The following RIMS2 variants were observed in gnomAD, a reference collection of about 807,000 sequenced individuals.
RIMS2 encodes the protein regulating synaptic membrane exocytosis 2.
In RIMS2, 59 loss-of-function variants were observed where a neutral mutation model predicts 174.4. The observed-to-expected ratio is 0.34, with a 90% CI of 0.27 to 0.42. The LOEUF (loss-of-function observed/expected upper bound fraction) is 0.42. RIMS2 is among the 10% of genes least tolerant of loss of function. The pLI, the probability that RIMS2 is intolerant of heterozygous loss-of-function variation, is 1.00. For missense variants in RIMS2, 1,620 were observed against 1,666.3 expected (o/e 0.97, Z 0.48); for synonymous variants, 606 against 572.5 (o/e 1.06, Z -0.84).
At chr8:103,938,900 C>T (rs1312651424) in intron 13 of RIMS2, among the ~76,000 whole-genome samples, 1 of 152,216 alleles carries the variant, frequency 6.6e-6, no homozygotes, top group East Asian at 1.9e-4. Flanking sequence ...GACTCCATGT[C>T]TCACATCCAG....
intron 2 of RIMS2, among the ~76,000 whole-genome samples, chr8:103,733,851 T>C (rs375639806): frequency 1.3e-5 from 2 of 152,224 alleles, no homozygotes; most frequent in East Asian, 1.9e-4. Context: ...GTTCCTGTTT[T>C]CTTAATATGT....
At chr8:104,044,797 G>A (rs771419045) in intron 19 of RIMS2, among the ~76,000 whole-genome samples, 3 of 151,666 alleles carry the variant, frequency 2.0e-5, no homozygotes, top group Non-Finnish European at 4.4e-5. Flanking sequence ...CATGGTCTAT[G>A]TTAACCAGCA....
In RIMS2 at chr8:103,985,473, CAAAAAAAAAAAAAAAAA is replaced by C. The variant is rs58750334; in HGVS notation, c.2928-3818_2928-3802del. ...TGGGCAACAAAGCAAGACTCTGTCT[CAAAAAAAAAAAAAAAAA>C]AAAAAAAAAAAAAGAGTATAATTGG... On this transcript the variant is annotated intron_variant, in intron 16 of 23. Transcript: ENST00000504942. 2.2e-4 allele frequency among the ~76,000 whole-genome samples: 8 copies of C among 36,152 alleles called. 1 individual carries two copies. The highest frequency in any genetic ancestry group is 9.2e-4 in the African/African-American group (6 of 6,528). 23.7% of individuals were successfully genotyped at this position (36,152 alleles called of 152,430 possible).
chr8:103,720,412 G>A (rs751077804), intron 2 of RIMS2, among the ~76,000 whole-genome samples: 13 of 152,154 alleles, frequency 8.5e-5, no homozygotes, highest in Non-Finnish European at 1.5e-4. Flanking sequence ...GGCAATGGCT[G>A]TGTGGAACTT....
At chr8:103,598,014 G>A (rs1222801078) in intron 1 of RIMS2, among the ~76,000 whole-genome samples, 3 of 152,168 alleles carry the variant, frequency 2.0e-5, no homozygotes, top group Non-Finnish European at 2.9e-5. Flanking sequence ...TGTGGGTCAA[G>A]TTCAAAAAAA....
rs375437944 is a variant in RIMS2 at position 103,918,416 on chromosome 8, TTC to T, written c.2037-23_2037-22del. 3,735 of 1,296,946 alleles carry T rather than the reference TTC, an allele frequency of 2.9e-3. 59 individuals are homozygous for T. The African/African-American group carries it at 0.06, about 21-fold the overall frequency. The allele number at this position is 1,296,946 out of a possible 1,614,324, so 80.3% of individuals were successfully genotyped here. ...TTAATTGTTGAAACAGTTTCTGTCTTTCTTTTTTTTTTTAATCATTTCAGAGA... is the reference window on the plus strand; with the variant it reads ...TTAATTGTTGAAACAGTTTCTGTCTTTTTTTTTTTTTAATCATTTCAGAGA... On this transcript the variant is annotated intron_variant, in intron 8 of 23. Coordinates refer to ENST00000504942, the Ensembl canonical transcript of RIMS2.
At chr8:104,060,095 A>C (rs1291455150) in intron 19 of RIMS2, among the ~76,000 whole-genome samples, 1 of 151,816 alleles carries the variant, frequency 6.6e-6, no homozygotes. Context: ...AAAATGAGTT[A>C]GGGAGGATTC....
intron 3 of RIMS2, among the ~76,000 whole-genome samples, chr8:103,856,235 G>C (rs1203881343): frequency 6.6e-6 from 1 of 151,992 alleles, no homozygotes; most frequent in Admixed American, 6.6e-5. Context: ...TTTCCATTTG[G>C]GTGGTAAATC....
chr8:103,910,165 G>A (rs759567859), exon 5 of RIMS2: 31 of 1,612,024 alleles, frequency 1.9e-5, no homozygotes, highest in East Asian at 6.7e-5. Flanking sequence ...TGGATCATAC[G>A]TCTTGGCATA....
At chr8:103,925,116 T>C (rs1164879335) in intron 10 of RIMS2, among the ~76,000 whole-genome samples, 1 of 151,608 alleles carries the variant, frequency 6.6e-6, no homozygotes, top group South Asian at 2.1e-4. Flanking sequence ...TAGGGCGTTA[T>C]AAGAAAATAT....
intron 4 of RIMS2, among the ~76,000 whole-genome samples, chr8:103,898,986 C>G (rs1461720707): frequency 3.3e-5 from 5 of 151,132 alleles, no homozygotes; most frequent in Admixed American, 3.3e-4. Context: ...GTTTTTTATC[C>G]TTGTGATAGT....
intron 20 of RIMS2, among the ~76,000 whole-genome samples, chr8:104,248,043 G>A (rs984849629): frequency 1.3e-5 from 2 of 152,166 alleles, no homozygotes; most frequent in African/African-American, 4.8e-5. Context: ...GAAAGCAGTG[G>A]GAGACAGTGC....
At chr8:103,751,994 C>G (rs1481538677) in intron 2 of RIMS2, among the ~76,000 whole-genome samples, 6 of 152,098 alleles carry the variant, frequency 3.9e-5, no homozygotes, top group East Asian at 1.9e-4. Flanking sequence ...GTTGCCATTG[C>G]TTTTGGTGTT....
At chr8:103,793,774 C>T (rs1270373051) in intron 3 of RIMS2, among the ~76,000 whole-genome samples, 1 of 152,118 alleles carries the variant, frequency 6.6e-6, no homozygotes, top group Non-Finnish European at 1.5e-5. Flanking sequence ...CACAAGCATT[C>T]CTATACACCA....
At chr8:103,770,011 T>G (rs1433187362) in intron 3 of RIMS2, among the ~76,000 whole-genome samples, 1 of 152,200 alleles carries the variant, frequency 6.6e-6, no homozygotes, top group Non-Finnish European at 1.5e-5. Flanking sequence ...GGGAAACACT[T>G]TAAAGAGTAT....
At chr8:103,953,147 G>A (rs559384226) in intron 14 of RIMS2, among the ~76,000 whole-genome samples, 49 of 152,296 alleles carry the variant, frequency 3.2e-4, no homozygotes, top group African/African-American at 1.1e-3. Flanking sequence ...TGAAAGTGAC[G>A]GGAGAACAGA....
intron 1 of RIMS2, among the ~76,000 whole-genome samples, chr8:103,524,851 G>T (rs1465709786): frequency 6.6e-6 from 1 of 152,214 alleles, no homozygotes; most frequent in Non-Finnish European, 1.5e-5. Context: ...GCTAGAACCA[G>T]AGACCATGGG....
At chr8:103,558,351 G>A (rs1043286904) in intron 1 of RIMS2, among the ~76,000 whole-genome samples, 1 of 152,020 alleles carries the variant, frequency 6.6e-6, no homozygotes, top group Non-Finnish European at 1.5e-5. Context: ...CAGCCTCCCG[G>A]TAGCTGGGAT....
intron 17 of RIMS2, among the ~76,000 whole-genome samples, chr8:104,003,235 A>G (rs2095454606): frequency 6.6e-6 from 1 of 152,142 alleles, no homozygotes; most frequent in African/African-American, 2.4e-5. Context: ...AAGAATAAAT[A>G]GGAATTATTT....
Sources: allele counts gnomAD v4.1 joint callset (sites outside exome capture counted in the v4.1 genomes callset), GRCh38; gene constraint gnomAD v4.1.1; transcripts MANE v1.5; gene names NCBI Gene and HGNC (gene_info 2026-07-23, HGNC 2026-07-21).